The following SLC26A4 variants were observed in gnomAD, a reference collection of about 807,000 sequenced individuals.
SLC26A4 encodes the protein pendrin.
Under a neutral mutation model 90.4 loss-of-function variants are expected in SLC26A4, and 93 were observed. The observed-to-expected ratio is 1.03, with a 90% CI of 0.87 to 1.22. The LOEUF is 1.22. SLC26A4 is among the 50% of genes most tolerant of loss of function. The pLI is 0.00. For synonymous variants in SLC26A4, 393 were observed against 354.6 expected (o/e 1.11, Z -1.22); for missense variants, 1,127 against 946.2 (o/e 1.19, Z -2.51).
chr7:107,665,380 G>A (rs1049980299), intron 3 of SLC26A4, among the ~76,000 whole-genome samples: 3 of 152,068 alleles, frequency 2.0e-5, no homozygotes, highest in African/African-American at 7.2e-5. Flanking sequence ...AAAGGTGGAC[G>A]GGAGAGAGAC....
intron 20 of SLC26A4, among the ~76,000 whole-genome samples, chr7:107,715,217 A>G (rs1448731339): frequency 6.6e-6 from 1 of 151,224 alleles, no homozygotes; most frequent in Non-Finnish European, 1.5e-5. Context: ...CCTGGGCAAC[A>G]GTGAGTGAGA....
At chr7:107,697,353 C>G (rs1479679125) in intron 13 of SLC26A4, among the ~76,000 whole-genome samples, 2 of 152,186 alleles carry the variant, frequency 1.3e-5, no homozygotes, top group Non-Finnish European at 2.9e-5. Flanking sequence ...GCAGTATCCT[C>G]CACAGTATTT....
chr7:107,661,822 C>A lies in SLC26A4; in HGVS notation c.164+17C>A. 6.5e-7 allele frequency: 1 copy of A among 1,533,338 alleles called. No homozygotes were observed. 95.0% of individuals were successfully genotyped at this position (1,533,338 alleles called of 1,614,324 possible). The stretch of plus-strand genomic sequence containing the variant: ...GTGCTGCAGGTAGCGGCCGCGCGGG[C>A]CTGCGTAGAGAGAAGCGGAGCGGGG... On this transcript the variant is annotated intron_variant, in intron 2 of 20. Transcript: ENST00000644269. The surrounding 1 kb of genome is among the most constrained non-coding windows in gnomAD (Gnocchi z 5.1).
At chr7:107,680,296 A>T (rs1431493493) in intron 6 of SLC26A4, among the ~76,000 whole-genome samples, 3 of 24,468 alleles carry the variant, frequency 1.2e-4, no homozygotes, top group South Asian at 1.2e-3. Flanking sequence ...TTATCTTATT[A>T]TATAATATAA....
At chr7:107,675,986 G>A (rs1052324649) in intron 6 of SLC26A4, among the ~76,000 whole-genome samples, 1 of 152,232 alleles carries the variant, frequency 6.6e-6, no homozygotes, top group Non-Finnish European at 1.5e-5. Context: ...GTGGTCTAAT[G>A]AAGTAAAGGC....
intron 3 of SLC26A4, among the ~76,000 whole-genome samples, chr7:107,666,110 G>A (rs116344708): frequency 2.0e-3 from 305 of 152,170 alleles, no homozygotes; most frequent in African/African-American, 6.6e-3. Flanking sequence ...TATTTTGAGG[G>A]GTAGGGATGG....
At chr7:107,686,307 TCCC>T in intron 8 of SLC26A4, among the ~76,000 whole-genome samples, 2 of 139,016 alleles carry the variant, frequency 1.4e-5, no homozygotes, top group Admixed American at 7.2e-5. Flanking sequence ...TTCCCTCCCT[TCCC>T]TCCCTTCCCT....
In SLC26A4 at chr7:107,713,499, T is replaced by A. The variant is rs1215196145; in HGVS notation, c.2319+877T>A. ...AGCCCTTCAAATATTTGAGAATAGT[T>A]CTCATGTCTCCAGCAGACTCTCTTC... On this transcript the variant is annotated intron_variant, in intron 20 of 20. Coordinates refer to ENST00000644269, the MANE Select transcript of SLC26A4 (RefSeq NM_000441.2). 3.3e-5 allele frequency among the ~76,000 whole-genome samples: 5 copies of A among 152,270 alleles called. No individual in the cohort carries two copies. In the East Asian group the frequency reaches 9.6e-4, roughly 29 times the overall value.
intron 9 of SLC26A4, 115 bp from the exon 10 acceptor site, chr7:107,690,009 C>A: frequency 1.3e-6 from 1 of 770,990 alleles, no homozygotes; most frequent in South Asian, 1.4e-5. Context: ...TAAATTGGAC[C>A]ACCACGCAGA....
chr7:107,693,786 G>A, intron 10 of SLC26A4: 1 of 873,662 alleles, frequency 1.1e-6, no homozygotes, highest in Non-Finnish European at 1.4e-6. Context: ...AAAGCTCTGA[G>A]CCTGCCTCCG....
Position 107,693,604 on chromosome 7 carries a change from T to C in SLC26A4, c.1264-799T>C, listed in dbSNP as rs1185640616. On this transcript the variant is annotated intron_variant, in intron 10 of 20. Transcript: ENST00000644269. The stretch of plus-strand genomic sequence containing the variant: ...CCCAGCTGTCTCAACAGAGAATTCA[T>C]TGGTCATCTAATCAAACGAGAGAGT... 7.1e-6 allele frequency: 7 copies of C among 985,448 alleles called. No homozygotes were observed. The Admixed American group carries it at 1.8e-4, about 26-fold the overall frequency. The allele number at this position is 985,448 out of a possible 1,614,324, so 61.0% of individuals were successfully genotyped here.
In SLC26A4 at chr7:107,715,539, T is replaced by C; in HGVS notation, c.*93T>C. On this transcript the variant is annotated 3_prime_UTR_variant, in exon 21 of 21. Transcript: ENST00000644269. Reference sequence around the variant, plus strand: ...TCTTCAGACTCAAAACACTCATTCTTTTTTCTATTAAGCCATTGAAAGAGA... The same window carrying C: ...TCTTCAGACTCAAAACACTCATTCTCTTTTCTATTAAGCCATTGAAAGAGA... 2 of 956,462 alleles carry C rather than the reference T, an allele frequency of 2.1e-6. No homozygotes were observed. Among genetic ancestry groups the C allele is most frequent in the South Asian group, 2.6e-5 (2 of 77,910 alleles). 59.2% of individuals were successfully genotyped at this position (956,462 alleles called of 1,614,324 possible). A position where few individuals can be genotyped will look rare whatever the true frequency, so the allele number is the denominator to read the frequency against.
chr7:107,695,945 T>G lies in SLC26A4; in HGVS notation c.1450T>G (p.Phe484Val). The change falls in exon 13 of 21, where the codon TTT becomes GTT. Residue 484 changes from phenylalanine to valine, a missense_variant. Physicochemically the swap from Phe to Val is conservative, Grantham distance 50. Coordinates refer to ENST00000644269, the MANE Select transcript of SLC26A4 (RefSeq NM_000441.2). ...TTTTTTTCCCTAGGTTATCTGGGTG[T>G]TTACGTGTATAGTGTCCATCATTCT... Reference protein sequence around the residue: ...QNKIDAVIWVFTCIVSIILGL... With the variant: ...QNKIDAVIWVVTCIVSIILGL... The G allele has an allele frequency of 6.3e-7, 1 of 1,597,102 alleles. No individual in the cohort carries two copies. Among genetic ancestry groups the G allele is most frequent in the Non-Finnish European group, 8.6e-7 (1 of 1,164,566 alleles).
chr7:107,672,023 A>T (rs1790881052), intron 3 of SLC26A4, 115 bp from the exon 4 acceptor site: 1 of 728,640 alleles, frequency 1.4e-6, no homozygotes. Flanking sequence ...CTGAATGCAT[A>T]TTGCTTTTGC....
rs147114101 is a variant in SLC26A4 at position 107,689,194 on chromosome 7, G to A, written c.1143G>A (p.Gly381=). Residue 381 remains glycine, a synonymous_variant, in exon 9 of 21, where the codon GGG becomes GGA. Coordinates refer to ENST00000644269, the MANE Select transcript of SLC26A4 (RefSeq NM_000441.2). ...CCAAGTATGATTACACCATCGATGG[G>A]AACCAGGTATGGGTGCCCTTTTGCT... ...YATKYDYTID[G]NQEFIAFGIS... is the part of the protein sequence containing the mutation. The A allele has an allele frequency of 2.7e-5, 44 of 1,613,548 alleles. No individual in the cohort carries two copies. Among genetic ancestry groups the A allele is most frequent in the Non-Finnish European group, 3.6e-5 (42 of 1,179,698 alleles).
chr7:107,666,674 G>A (rs1309506288), intron 3 of SLC26A4, among the ~76,000 whole-genome samples: 1 of 152,214 alleles, frequency 6.6e-6, no homozygotes, highest in African/African-American at 2.4e-5. Context: ...CCTGAGGCCA[G>A]AAAACTTAGC....
intron 3 of SLC26A4, among the ~76,000 whole-genome samples, chr7:107,668,335 G>A (rs956455129): frequency 7.9e-5 from 12 of 152,166 alleles, no homozygotes; most frequent in Admixed American, 5.9e-4. Flanking sequence ...AAAGTGGATC[G>A]GTTAATTAAT....
intron 3 of SLC26A4, among the ~76,000 whole-genome samples, chr7:107,664,236 C>T (rs969774805): frequency 6.6e-6 from 1 of 150,578 alleles, no homozygotes; most frequent in Admixed American, 6.6e-5. Context: ...GTTTGTTTTG[C>T]TTTGCTTTTT....
intron 3 of SLC26A4, among the ~76,000 whole-genome samples, chr7:107,666,261 G>A (rs1441691849): frequency 6.6e-6 from 1 of 152,136 alleles, no homozygotes. Flanking sequence ...TTGCTCTGTT[G>A]CGCAGGCTGG....
Sources: allele counts gnomAD v4.1 joint callset (sites outside exome capture counted in the v4.1 genomes callset), GRCh38; gene constraint gnomAD v4.1.1; non-coding constraint Gnocchi (gnomAD v3.1); transcripts MANE v1.5; gene names NCBI Gene and HGNC (gene_info 2026-07-23, HGNC 2026-07-21).